CCDC60: variants seen among roughly 807,000 people sequenced by gnomAD.
CCDC60 encodes coiled-coil domain-containing protein 60.
CCDC60 carries 54 observed loss-of-function variants against 63.5 expected under a neutral mutation model. The observed-to-expected ratio is 0.85, with a 90% CI of 0.68 to 1.07. The LOEUF (loss-of-function observed/expected upper bound fraction) is 1.07, where lower values mean the gene tolerates loss of function less well. Among genes scored for constraint, CCDC60 ranks in the 50% least tolerant of loss-of-function variants. CCDC60 has a pLI of 0.00. For synonymous variants in CCDC60, 206 were observed against 238.8 expected (o/e 0.86, Z 1.27); for missense variants, 651 against 684.3 (o/e 0.95, Z 0.54).
At chr12:119,395,260 A>G (rs555260611) in intron 1 of CCDC60, among the ~76,000 whole-genome samples, 1 of 152,340 alleles carries the variant, frequency 6.6e-6, no homozygotes, top group East Asian at 1.9e-4. Flanking sequence ...GAGCATGTGT[A>G]TTAGTGCATT....
At chr12:119,455,849 G>A (rs925425247) in intron 2 of CCDC60, among the ~76,000 whole-genome samples, 12 of 142,374 alleles carry the variant, frequency 8.4e-5, no homozygotes, top group African/African-American at 2.9e-4. Context: ...AAGGAAGGAA[G>A]GAAGAAAAGA....
chr12:119,354,003 T>C (rs1449349357), intron 1 of CCDC60, among the ~76,000 whole-genome samples: 1 of 151,944 alleles, frequency 6.6e-6, no homozygotes, highest in Non-Finnish European at 1.5e-5. Context: ...CTCCTCTGTC[T>C]TTCTCACTCT....
chr12:119,440,069 G>A (rs1950411703), intron 2 of CCDC60, among the ~76,000 whole-genome samples: 1 of 151,990 alleles, frequency 6.6e-6, no homozygotes, highest in Admixed American at 6.5e-5. Context: ...TCGGGGGGTG[G>A]GGGGCCGGGG....
chr12:119,513,280 T>G (rs1174037192), intron 7 of CCDC60, among the ~76,000 whole-genome samples: 1 of 152,178 alleles, frequency 6.6e-6, no homozygotes, highest in Middle Eastern at 3.2e-3. Flanking sequence ...TTTTCCAACT[T>G]TTTGGAGTGT....
intron 2 of CCDC60, among the ~76,000 whole-genome samples, chr12:119,453,832 AGAGGAG>A (rs559948259): frequency 3.9e-4 from 60 of 152,188 alleles, no homozygotes; most frequent in Admixed American, 1.2e-3. Flanking sequence ...AGGAAGAGGA[AGAGGAG>A]GAGGAGGAGA....
chr12:119,497,940 A>ATT, intron 5 of CCDC60, among the ~76,000 whole-genome samples: 1 of 152,198 alleles, frequency 6.6e-6, no homozygotes. Context: ...ACTGTTAATT[A>ATT]TTCAGAGGGC....
rs1009041613 is a variant in CCDC60 at position 119,410,187 on chromosome 12, GTGTGTGTGTGTGTC to G, written c.91-18482_91-18469del. Among the ~76,000 whole-genome samples, 2 of 124,704 alleles carry G rather than the reference GTGTGTGTGTGTGTC, an allele frequency of 1.6e-5. No homozygotes were observed. Among genetic ancestry groups the G allele is most frequent in the African/African-American group, 6.1e-5 (2 of 32,598 alleles). 81.8% of individuals were successfully genotyped at this position (124,704 alleles called of 152,430 possible). A position where few individuals can be genotyped will look rare whatever the true frequency, so the allele number is the denominator to read the frequency against. Reference sequence around the variant, plus strand: ...TAGATGCTAGTGTTGGAAAGAGTGTGTGTGTGTGTGTGTCTGTGTGTGTGTGTGTGTGTGGTTTC... The same window carrying G: ...TAGATGCTAGTGTTGGAAAGAGTGTGTGTGTGTGTGTGTGTGTGTGGTTTC... On this transcript the variant is annotated intron_variant, in intron 1 of 13. Transcript: ENST00000327554. The surrounding 1 kb of genome is among the most constrained non-coding windows in gnomAD (Gnocchi z 4.0).
chr12:119,487,768 T>A (rs1020200338), intron 4 of CCDC60, among the ~76,000 whole-genome samples: 1 of 152,164 alleles, frequency 6.6e-6, no homozygotes, highest in African/African-American at 2.4e-5. Context: ...GTGTATAAAG[T>A]GCCCCCATCA....
Position 119,428,769 on chromosome 12 carries a change from G to A in CCDC60, c.170+7G>A, listed in dbSNP as rs373475169. ...AGGACCTTATACGAAGCCGGTGAGT[G>A]AGCCCAGCAGGGAATGATCCATAGA... On this transcript the variant is annotated splice_region_variant and intron_variant, in intron 2 of 13. Coordinates refer to ENST00000327554, the MANE Select transcript of CCDC60 (RefSeq NM_178499.5). 13 of 1,569,784 alleles carry A rather than the reference G, an allele frequency of 8.3e-6. No homozygotes were observed. Among genetic ancestry groups the A allele is most frequent in the Non-Finnish European group, 8.7e-6 (10 of 1,146,426 alleles).
chr12:119,391,160 GTC>G (rs1316347670), intron 1 of CCDC60, among the ~76,000 whole-genome samples: 1 of 152,196 alleles, frequency 6.6e-6, no homozygotes, highest in East Asian at 1.9e-4. Context: ...TTACCCACAC[GTC>G]TCTGTGGCTA....
At chr12:119,540,040 G>C (rs923648243) in intron 13 of CCDC60, among the ~76,000 whole-genome samples, 2 of 152,098 alleles carry the variant, frequency 1.3e-5, no homozygotes, top group African/African-American at 2.4e-5. Flanking sequence ...AATGAGATGA[G>C]CCAGGTACCT....
intron 5 of CCDC60, among the ~76,000 whole-genome samples, chr12:119,491,994 T>C (rs487818): frequency 0.53 from 80,070 of 152,054 alleles, 22,022 homozygotes; most frequent in East Asian, 0.84. Flanking sequence ...AGTGGTCACA[T>C]TGAGAGTAGC....
chr12:119,479,942 C>T (rs1951264870), intron 4 of CCDC60, among the ~76,000 whole-genome samples: 1 of 151,178 alleles, frequency 6.6e-6, no homozygotes, highest in Non-Finnish European at 1.5e-5. Flanking sequence ...TGTCTCCAGA[C>T]ATTACCAAAT....
rs1343125677 is a variant in CCDC60, at chr12:119,505,171, C to A, written c.751C>A (p.Gln251Lys). Reference protein sequence around the residue: ...LSRASGGSSPQSSMISVNPGS... With the variant: ...LSRASGGSSPKSSMISVNPGS... ...TCGGGCCAGTGGGGGGTCCTCTCCCCAGAGCAGCATGATCTCTGTGAACCC... is the reference window on the plus strand; with the variant it reads ...TCGGGCCAGTGGGGGGTCCTCTCCCAAGAGCAGCATGATCTCTGTGAACCC... The change falls in exon 7 of 14, where the codon CAG becomes AAG. Residue 251 changes from glutamine (Q) to lysine (K), a missense_variant. Coordinates refer to ENST00000327554, the MANE Select transcript of CCDC60 (RefSeq NM_178499.5). 5 of 1,614,132 alleles carry A rather than the reference C, an allele frequency of 3.1e-6. No individual in the cohort carries two copies. Among genetic ancestry groups the A allele is most frequent in the Non-Finnish European group, 4.2e-6 (5 of 1,180,042 alleles).
intron 3 of CCDC60, among the ~76,000 whole-genome samples, chr12:119,476,219 C>T (rs1321478345): frequency 6.6e-6 from 1 of 152,076 alleles, no homozygotes; most frequent in Non-Finnish European, 1.5e-5. Context: ...TCAGTGACCT[C>T]ATTTTTCAGC....
In CCDC60 at chr12:119,500,005, G is replaced by T. The variant is rs1951809765; in HGVS notation, c.558-73G>T. The T allele has an allele frequency of 4.8e-6, 5 of 1,035,354 alleles. No homozygotes were observed. The East Asian group carries it at 1.2e-4, about 25-fold the overall frequency. 64.1% of individuals were successfully genotyped at this position (1,035,354 alleles called of 1,614,324 possible). On this transcript the variant is annotated intron_variant, in intron 5 of 13. Coordinates refer to ENST00000327554, the MANE Select transcript of CCDC60 (RefSeq NM_178499.5). The stretch of plus-strand genomic sequence containing the variant: ...AGCCACCATTCCTCCTCTATTTATT[G>T]CATTTCTTAAAAGAACTTGTAATAA...
intron 2 of CCDC60, among the ~76,000 whole-genome samples, chr12:119,468,048 G>A (rs1365445088): frequency 6.6e-6 from 1 of 152,082 alleles, no homozygotes; most frequent in Non-Finnish European, 1.5e-5. Flanking sequence ...GCCGAGGTGG[G>A]TGGGTCATAA....
chr12:119,508,022 T>G (rs972172061), intron 7 of CCDC60, among the ~76,000 whole-genome samples: 3 of 151,936 alleles, frequency 2.0e-5, no homozygotes, highest in Non-Finnish European at 4.4e-5. Context: ...ATTTTAAAAA[T>G]TAGCCAGGCA....
intron 2 of CCDC60, among the ~76,000 whole-genome samples, chr12:119,431,301 G>A (rs1466691200): frequency 6.6e-6 from 1 of 152,220 alleles, no homozygotes; most frequent in African/African-American, 2.4e-5. Flanking sequence ...GTGGAGGAAG[G>A]CCAGTGAGTC....
Sources: gnomAD v4.1 joint callset for allele counts (sites outside exome capture counted in the v4.1 genomes callset) on GRCh38, gnomAD v4.1.1 for gene constraint, Gnocchi (gnomAD v3.1) non-coding constraint, MANE v1.5 for transcripts, NCBI Gene and HGNC (gene_info 2026-07-23, HGNC 2026-07-21) for gene names.